MAEA: variants seen among roughly 807,000 people sequenced by gnomAD.
MAEA encodes E3 ubiquitin-protein transferase MAEA.
MAEA carries 22 observed loss-of-function variants against 46.2 expected under a neutral mutation model. That is an observed-to-expected ratio of 0.48 (90% CI 0.34 to 0.68). MAEA has a LOEUF of 0.68. MAEA is among the 30% of genes least tolerant of loss of function. MAEA has a pLI of 0.01. For missense variants in MAEA, 393 were observed against 558.1 expected, an observed-to-expected ratio of 0.70 and a Z score of 2.98; for synonymous variants, 246 against 222.6, an observed-to-expected ratio of 1.11 and a Z score of -0.94.
At chr4:1,334,447 C>T (rs1712478083) in intron 6 of MAEA, among the ~76,000 whole-genome samples, 1 of 152,148 alleles carries the variant, frequency 6.6e-6, no homozygotes. Flanking sequence ...CATTAGGTCA[C>T]GAGGATCTTC....
In MAEA at chr4:1,330,325, T is replaced by TCTCTCTCTCTCTCTCTCTCTCTC. The variant is rs55818312; in HGVS notation, c.657-2432_657-2431insCTCTCTCTCTCTCTCTCTCTCTC. 7.1e-4 allele frequency: 115 copies of TCTCTCTCTCTCTCTCTCTCTCTC among 163,072 alleles called. 1 individual carries two copies. Among genetic ancestry groups the TCTCTCTCTCTCTCTCTCTCTCTC allele is most frequent in the African/African-American group, 1.4e-3 (55 of 39,322 alleles). The allele number at this position is 163,072 out of a possible 1,614,324, so 10.1% of individuals were successfully genotyped here. ...TTCTGGGTGTTTCTCTCTCTCTCTCTTTCCGTGTGTGTGTGTGTGTGTTTT... is the reference window on the plus strand; with the variant it reads ...TTCTGGGTGTTTCTCTCTCTCTCTCTCTCTCTCTCTCTCTCTCTCTCTCTTCCGTGTGTGTGTGTGTGTGTTTT... On this transcript the variant is annotated intron_variant, in intron 5 of 8. Coordinates refer to ENST00000303400, the MANE Select transcript of MAEA (RefSeq NM_001017405.3).
At chr4:1,322,725 T>C (rs568979043) in intron 4 of MAEA, among the ~76,000 whole-genome samples, 26 of 152,288 alleles carry the variant, frequency 1.7e-4, no homozygotes, top group Non-Finnish European at 3.1e-4. Flanking sequence ...ACAGCTGGCA[T>C]GAGGCTCAGA....
At chr4:1,299,364 C>T (rs1320324869) in intron 1 of MAEA, among the ~76,000 whole-genome samples, 3 of 152,228 alleles carry the variant, frequency 2.0e-5, no homozygotes, top group Admixed American at 6.5e-5. Flanking sequence ...TCCACCCTGG[C>T]GTCAGGACAT....
rs138730403 is a variant in MAEA at position 1,312,087 on chromosome 4, G to A, written c.178G>A (p.Gly60Ser). The A allele has an allele frequency of 1.3e-4, 211 of 1,613,238 alleles. No homozygotes were observed. The highest frequency in any genetic ancestry group is 4.9e-4 in the Middle Eastern group (3 of 6,084). The change falls in exon 2 of 9, where the codon GGC becomes AGC. Residue 60 changes from glycine (G) to serine (S), a missense_variant. Gly to Ser is a moderately conservative substitution (Grantham distance 56). Coordinates refer to ENST00000303400, the MANE Select transcript of MAEA (RefSeq NM_001017405.3). ...VVAELEKTLS[G>S]CPAVDSVVSL... The stretch of plus-strand genomic sequence containing the variant: ...GGCCGAGCTGGAGAAGACGTTGAGC[G>A]GCTGCCCCGCCGTGGACTCCGTGGT...
At chr4:1,304,198 G>T (rs1038062937) in intron 1 of MAEA, among the ~76,000 whole-genome samples, 1 of 152,200 alleles carries the variant, frequency 6.6e-6, no homozygotes, top group East Asian at 1.9e-4. Context: ...GGTCCAAATC[G>T]TCGTGTGCTG....
At chr4:1,295,110 C>A (rs186945815) in intron 1 of MAEA, among the ~76,000 whole-genome samples, 29 of 152,148 alleles carry the variant, frequency 1.9e-4, no homozygotes, top group Admixed American at 1.6e-3. Flanking sequence ...CACATTGGCA[C>A]CAGAATGAAG....
intron 2 of MAEA, among the ~76,000 whole-genome samples, chr4:1,314,005 G>A (rs1325972140): frequency 2.0e-5 from 3 of 152,162 alleles, no homozygotes; most frequent in Admixed American, 6.5e-5. Flanking sequence ...CTGTACTCCA[G>A]ACTGGGCAAC....
chr4:1,295,063 A>G (rs563967076), intron 1 of MAEA, among the ~76,000 whole-genome samples: 108 of 152,234 alleles, frequency 7.1e-4, no homozygotes, highest in African/African-American at 2.3e-3. Flanking sequence ...GTCTGTGGGT[A>G]CAGGGGTCAG....
At chr4:1,329,605 G>A (rs1739282385) in intron 5 of MAEA, 1 of 985,408 alleles carries the variant, frequency 1.0e-6, no homozygotes, top group African/African-American at 1.7e-5. Flanking sequence ...GGCCGTCTTG[G>A]GAGTGGTTCT....
chr4:1,325,876 G>T (rs1321532677), intron 4 of MAEA, among the ~76,000 whole-genome samples: 1 of 152,222 alleles, frequency 6.6e-6, no homozygotes, highest in Non-Finnish European at 1.5e-5. Context: ...CTGTGCCACT[G>T]CTGGGGTCAG....
At chr4:1,327,333 C>G (rs752801318) in intron 4 of MAEA, among the ~76,000 whole-genome samples, 1 of 152,244 alleles carries the variant, frequency 6.6e-6, no homozygotes, top group African/African-American at 2.4e-5. Context: ...AGCTGTGCTC[C>G]TGGAAGCGCC....
chr4:1,329,311 C>A (rs940550104), intron 5 of MAEA: 3 of 982,850 alleles, frequency 3.1e-6, no homozygotes, highest in South Asian at 4.7e-5. Context: ...GTGTTCCCCC[C>A]GCTCCGTGTA....
chr4:1,336,820 C>A, intron 6 of MAEA, 41 bp from the exon 7 acceptor site: 8 of 1,596,538 alleles, frequency 5.0e-6, no homozygotes, highest in Non-Finnish European at 6.8e-6. Flanking sequence ...CAGGAGCTTC[C>A]CTGGGAGCAT....
At chr4:1,329,971 A>G (rs1739329125) in intron 5 of MAEA, 1 of 985,266 alleles carries the variant, frequency 1.0e-6, no homozygotes, top group Non-Finnish European at 1.2e-6. Flanking sequence ...TGAGGCCAGC[A>G]GCCTAGCCTC....
chr4:1,318,027 G>A (rs1245961831), intron 3 of MAEA, among the ~76,000 whole-genome samples: 1 of 152,190 alleles, frequency 6.6e-6, no homozygotes, highest in African/African-American at 2.4e-5. Flanking sequence ...TCATGTGACG[G>A]ACAGTGGGCC....
chr4:1,309,558 C>T, intron 1 of MAEA: 6 of 1,464,964 alleles, frequency 4.1e-6, no homozygotes, highest in Non-Finnish European at 3.6e-6. Flanking sequence ...GATTGGATAG[C>T]CCCGGGCCAG....
intron 1 of MAEA, among the ~76,000 whole-genome samples, chr4:1,296,514 G>A (rs1320774563): frequency 7.0e-6 from 1 of 142,154 alleles, no homozygotes; most frequent in African/African-American, 2.8e-5. Flanking sequence ...CCTCACCTGT[G>A]CTGTGCCCTT....
At chr4:1,308,403 A>G (rs1479402719) in intron 1 of MAEA, among the ~76,000 whole-genome samples, 4 of 152,212 alleles carry the variant, frequency 2.6e-5, no homozygotes, top group Admixed American at 1.3e-4. Flanking sequence ...CGTGGCTGCC[A>G]TGAACACAGG....
intron 1 of MAEA, among the ~76,000 whole-genome samples, chr4:1,308,118 C>T (rs931948725): frequency 9.2e-5 from 14 of 151,722 alleles, no homozygotes; most frequent in Non-Finnish European, 1.0e-4. Context: ...GGCTGCTGCA[C>T]GCCCGCACCG....
Sources: allele counts gnomAD v4.1 joint callset (sites outside exome capture counted in the v4.1 genomes callset), GRCh38; gene constraint gnomAD v4.1.1; transcripts MANE v1.5; gene names NCBI Gene and HGNC (gene_info 2026-07-23, HGNC 2026-07-21).